Variants in SLC12A9 observed in about 807,000 individuals in gnomAD.
The protein encoded by SLC12A9 is solute carrier family 12 member 9, also known as CCC-interacting protein 1.
Under a neutral mutation model 66.0 loss-of-function variants are expected in SLC12A9, and 55 were observed. The ratio of observed to expected loss-of-function variants is 0.83; its 90% CI spans 0.67 to 1.04. The LOEUF is 1.04. SLC12A9 is among the 50% of genes least tolerant of loss of function. SLC12A9 has a pLI of 0.00. For synonymous variants in SLC12A9, 577 were observed against 569.0 expected, an observed-to-expected ratio of 1.01 and a Z score of -0.20; for missense variants, 1,061 against 1,241.9, an observed-to-expected ratio of 0.85 and a Z score of 2.19.
chr7:100,866,543 C>CCACTG lies in SLC12A9; in HGVS notation c.2683_2684insCACTG (p.Arg895ProfsTer31). On this transcript the variant is annotated frameshift_variant, in exon 14 of 14. Transcript: ENST00000354161. LOFTEE classifies it high-confidence loss of function. The surrounding 1 kb of genome is among the most constrained non-coding windows in gnomAD (Gnocchi z 7.3). ...CCTGGCGCTACTGGAGACTCTAACCCGAGACCTGGGCCCCACGCTGCTGGT... is the reference window on the plus strand; with the variant it reads ...CCTGGCGCTACTGGAGACTCTAACCCCACTGGAGACCTGGGCCCCACGCTGCTGGT... The CCACTG allele has an allele frequency of 6.3e-7, 1 of 1,585,382 alleles. No homozygotes were observed. Among genetic ancestry groups the CCACTG allele is most frequent in the Non-Finnish European group, 8.6e-7 (1 of 1,166,992 alleles).
In SLC12A9 at chr7:100,861,958, C is replaced by G. The variant is rs1350944592; in HGVS notation, c.1711+47C>G. 6.7e-7 allele frequency: 1 copy of G among 1,497,694 alleles called. No individual in the cohort carries two copies. Among genetic ancestry groups the G allele is most frequent in the South Asian group, 1.4e-5 (1 of 73,588 alleles). 92.8% of individuals were successfully genotyped at this position (1,497,694 alleles called of 1,614,324 possible). On this transcript the variant is annotated intron_variant, in intron 12 of 13. Transcript: ENST00000354161. The surrounding 1 kb of genome is among the most constrained non-coding windows in gnomAD (Gnocchi z 5.3). ...TCACTCACTCCCATCCTTCTCTCCC[C>G]CTACCTTTTTTTTTTTTTTGAGATG...
chr7:100,844,307 C>T (rs1024852280), intron 1 of SLC12A9, among the ~76,000 whole-genome samples: 2 of 152,086 alleles, frequency 1.3e-5, no homozygotes, highest in African/African-American at 2.4e-5. Flanking sequence ...ACCTGATGTG[C>T]GTTATGACCC....
intron 9 of SLC12A9, 172 bp downstream of exon 9, chr7:100,860,404 C>A: frequency 1.5e-6 from 1 of 671,500 alleles, no homozygotes; most frequent in Non-Finnish European, 2.5e-6. Context: ...CAGCACCTTG[C>A]AGGTTGCCCC....
In SLC12A9 at chr7:100,854,301, G is replaced by C; in HGVS notation, c.104G>C (p.Arg35Pro). 1 of 1,604,406 alleles carries C rather than the reference G, an allele frequency of 6.2e-7. No homozygotes were observed. The highest frequency in any genetic ancestry group is 8.5e-7 in the Non-Finnish European group (1 of 1,177,508). ...GAGGPGGASA[R>P]KLSTFLGVVV... The stretch of plus-strand genomic sequence containing the variant: ...GGGGGTCCTGGAGGGGCGTCTGCCC[G>C]GAAGCTGTCCACCTTCCTGGGTGTG... The change falls in exon 2 of 14, where the codon CGG becomes CCG. Residue 35 changes from arginine to proline, a missense_variant. Arg to Pro is a moderately radical substitution (Grantham distance 103). Transcript: ENST00000354161.
At chr7:100,826,970 G>A (rs766393192) in exon 1 of SLC12A9, 4 of 1,551,160 alleles carry the variant, frequency 2.6e-6, no homozygotes, top group Admixed American at 1.9e-5. Context: ...CCCCCGCAAG[G>A]AAACTCACCT....
At chr7:100,828,256 G>A (rs1024767031) in intron 1 of SLC12A9, among the ~76,000 whole-genome samples, 3 of 152,118 alleles carry the variant, frequency 2.0e-5, no homozygotes, top group African/African-American at 4.8e-5. Flanking sequence ...AAAGGTGGGT[G>A]TGGCGGGCGC....
intron 1 of SLC12A9, among the ~76,000 whole-genome samples, chr7:100,836,965 G>T (rs1044020443): frequency 3.9e-5 from 6 of 152,140 alleles, no homozygotes; most frequent in African/African-American, 1.2e-4. Flanking sequence ...GGGGCAGACG[G>T]GGCATGTGTG....
At chr7:100,859,345 G>A in intron 7 of SLC12A9, 184 bp downstream of exon 7, 1 of 614,350 alleles carries the variant, frequency 1.6e-6, no homozygotes, top group East Asian at 2.7e-5. Context: ...CAGGCACTTA[G>A]CTTGGGAGTG....
chr7:100,839,949 CAAAAA>C (rs76035431), intron 1 of SLC12A9, among the ~76,000 whole-genome samples: 4 of 84,672 alleles, frequency 4.7e-5, no homozygotes, highest in Admixed American at 2.6e-4. Flanking sequence ...GACTCCGTCT[CAAAAA>C]AAAAAAAAAA....
chr7:100,849,367 C>G (rs1349876606), upstream of SLC12A9, among the ~76,000 whole-genome samples: 1 of 151,982 alleles, frequency 6.6e-6, no homozygotes, highest in Non-Finnish European at 1.5e-5. Flanking sequence ...CTAGGCAGGC[C>G]TGGCAAGGCA....
intron 1 of SLC12A9, among the ~76,000 whole-genome samples, chr7:100,841,776 TA>T (rs1414585514): frequency 6.6e-6 from 1 of 151,936 alleles, no homozygotes; most frequent in African/African-American, 2.4e-5. Flanking sequence ...TTGTTAAATG[TA>T]AAAAAAATTT....
chr7:100,857,652 T>C (rs1814476173), intron 5 of SLC12A9: 1 of 160,710 alleles, frequency 6.2e-6, no homozygotes, highest in Admixed American at 6.0e-5. Flanking sequence ...ACGCCTGTAA[T>C]CCCAGCATTC....
In SLC12A9 at chr7:100,866,199, C is replaced by T. The variant is rs747279918; in HGVS notation, c.2339C>T (p.Ala780Val). The T allele has an allele frequency of 9.3e-6, 15 of 1,609,522 alleles. No individual in the cohort carries two copies. The highest frequency in any genetic ancestry group is 1.2e-5 in the Non-Finnish European group (14 of 1,178,616). The change falls in exon 14 of 14, where the codon GCG (alanine) becomes GTG (valine). Residue 780 changes from alanine (A) to valine (V), a missense_variant. Coordinates refer to ENST00000354161, the MANE Select transcript of SLC12A9 (RefSeq NM_020246.4). The surrounding 1 kb of genome is among the most constrained non-coding windows in gnomAD (Gnocchi z 7.3). ...CTGGGGCCTCGGGAGGCGCCTGGGG[C>T]GGCCGAGGGGCGGCTGCGGGCACTG... The part of the protein sequence containing the change: ...LCLGPREAPG[A>V]AEGRLRALLS...
rs781676243 is a variant in SLC12A9, at chr7:100,866,273, G to C, written c.2413G>C (p.Glu805Gln). Reference sequence around the variant, plus strand: ...TGAGGTGCAGGAGGTGGTGTGGGGCGAGGGGGCCGGGGCTGGGGAACCCGA... The same window carrying C: ...TGAGGTGCAGGAGGTGGTGTGGGGCCAGGGGGCCGGGGCTGGGGAACCCGA... Reference protein sequence around the residue: ...RAEVQEVVWGEGAGAGEPEAE... With the variant: ...RAEVQEVVWGQGAGAGEPEAE... The change falls in exon 14 of 14, where the codon GAG becomes CAG. Residue 805 changes from glutamate to glutamine, a missense_variant. Transcript: ENST00000354161. The surrounding 1 kb of genome is among the most constrained non-coding windows in gnomAD (Gnocchi z 7.3). The C allele has an allele frequency of 6.5e-7, 1 of 1,548,892 alleles. No individual in the cohort carries two copies. Among genetic ancestry groups the C allele is most frequent in the South Asian group, 1.2e-5 (1 of 84,414 alleles).
intron 13 of SLC12A9, among the ~76,000 whole-genome samples, chr7:100,864,679 G>A (rs1414608530): frequency 2.6e-5 from 4 of 152,290 alleles, no homozygotes; most frequent in East Asian, 1.9e-4. Context: ...GGCGGATTGC[G>A]TTGACCTACC....
chr7:100,836,906 G>C (rs1257730423), intron 1 of SLC12A9, among the ~76,000 whole-genome samples: 2 of 152,070 alleles, frequency 1.3e-5, no homozygotes, highest in Non-Finnish European at 2.9e-5. Context: ...CAGGAAATTA[G>C]CATTTAAGGC....
At chr7:100,847,030 C>T (rs1428119621) in intron 1 of SLC12A9, among the ~76,000 whole-genome samples, 2 of 152,156 alleles carry the variant, frequency 1.3e-5, no homozygotes, top group Non-Finnish European at 2.9e-5. Flanking sequence ...CTTGCGCGCC[C>T]CCTGAGAGTT....
In SLC12A9 at chr7:100,861,146, C is replaced by T. The variant is rs771379238; in HGVS notation, c.1227C>T (p.Leu409=). The change falls in exon 10 of 14, where the codon CTC becomes CTT. Residue 409 remains leucine, a synonymous_variant. Coordinates refer to ENST00000354161, the MANE Select transcript of SLC12A9 (RefSeq NM_020246.4). This position sits in a 1 kb window ranked among gnomAD's most constrained non-coding sequence, Gnocchi z 5.3. ...LYSWGLVQLV[L]LAGKLNTLAA... Reference sequence around the variant, plus strand: ...TCTTGGCCCTTGCCCAGCTGGTGCTCCTGGCTGGGAAGCTGAACACACTGG... The same window carrying T: ...TCTTGGCCCTTGCCCAGCTGGTGCTTCTGGCTGGGAAGCTGAACACACTGG... 1.2e-6 allele frequency: 2 copies of T among 1,614,194 alleles called. No individual in the cohort carries two copies. The highest frequency in any genetic ancestry group is 1.7e-5 in the Admixed American group (1 of 60,030).
chr7:100,865,228 G>T, intron 13 of SLC12A9: 1 of 1,533,536 alleles, frequency 6.5e-7, no homozygotes, highest in Non-Finnish European at 8.7e-7. Flanking sequence ...AAGATGCTGC[G>T]ATTACAGGTG....
Sources: gnomAD v4.1 joint callset for allele counts (sites outside exome capture counted in the v4.1 genomes callset) on GRCh38, gnomAD v4.1.1 for gene constraint, Gnocchi (gnomAD v3.1) non-coding constraint, MANE v1.5 for transcripts, NCBI Gene and HGNC (gene_info 2026-07-23, HGNC 2026-07-21) for gene names.